TRPC5: variants seen among roughly 807,000 people sequenced by gnomAD.
TRPC5 encodes the protein short transient receptor potential channel 5.
TRPC5 carries 9 observed loss-of-function variants against 56.5 expected under a neutral mutation model. The observed-to-expected ratio is 0.16, with a 90% CI of 0.10 to 0.28. The LOEUF (loss-of-function observed/expected upper bound fraction) is 0.28. Among genes scored for constraint, TRPC5 ranks in the 10% least tolerant of loss-of-function variants. TRPC5 has a pLI of 1.00. For synonymous variants in TRPC5, 282 were observed against 278.5 expected (o/e 1.01, Z -0.13); for missense variants, 469 against 748.9 (o/e 0.63, Z 4.36).
At chrX:111,944,350 G>A (rs1295736136) in intron 2 of TRPC5, among the ~76,000 whole-genome samples, 1 of 106,634 alleles carries the variant, frequency 9.4e-6, no homozygotes, top group Admixed American at 1.0e-4. Flanking sequence ...ACGAACAAGT[G>A]GGTTTGAAAT....
intron 7 of TRPC5, among the ~76,000 whole-genome samples, chrX:111,820,229 A>G (rs944670360): frequency 1.8e-5 from 2 of 111,975 alleles, no homozygotes; most frequent in Non-Finnish European, 3.8e-5. Context: ...CCTATCAATC[A>G]GTGAAAAGGT....
chrX:111,870,523 T>C, intron 3 of TRPC5, among the ~76,000 whole-genome samples: 1 of 111,925 alleles, frequency 8.9e-6, no homozygotes, highest in Non-Finnish European at 1.9e-5. Context: ...GCAACCCTAC[T>C]ATAATCAAAC....
chrX:111,829,298 T>C (rs1478047625), intron 7 of TRPC5, among the ~76,000 whole-genome samples: 2 of 67,857 alleles, frequency 2.9e-5, no homozygotes, highest in African/African-American at 1.5e-4. Context: ...TGAGACTCTG[T>C]CTCAAAAAAA....
At chrX:111,841,746 C>T (rs993288191) in intron 6 of TRPC5, among the ~76,000 whole-genome samples, 3 of 111,255 alleles carry the variant, frequency 2.7e-5, no homozygotes, top group African/African-American at 6.6e-5. Flanking sequence ...AGTCTCCATG[C>T]GATGCCCAGG....
rs141171339 is a variant in TRPC5, at chrX:111,997,845, T to A, written c.-21-45404A>T. ...TGCCATGGTTTTCAGCTCCATCAGGTCATTTAAGGTCTTCTCTACACTGTT... is the reference window on the plus strand; with the variant it reads ...TGCCATGGTTTTCAGCTCCATCAGGACATTTAAGGTCTTCTCTACACTGTT... On this transcript the variant is annotated intron_variant, in intron 1 of 10. Coordinates refer to ENST00000262839, the MANE Select transcript of TRPC5 (RefSeq NM_012471.3). Among the ~76,000 whole-genome samples, 6 of 110,794 alleles carry A rather than the reference T, an allele frequency of 5.4e-5. No homozygotes were observed. The East Asian group carries it at 1.7e-3, about 31-fold the overall frequency.
chrX:111,970,003 G>A (rs1309248446), intron 1 of TRPC5, among the ~76,000 whole-genome samples: 6 of 111,034 alleles, frequency 5.4e-5, no homozygotes, highest in East Asian at 2.8e-4. Flanking sequence ...TGGAGAAGAC[G>A]AGAATTTTAG....
At chrX:112,073,469 C>A (rs994002683) in intron 1 of TRPC5, among the ~76,000 whole-genome samples, 5 of 110,130 alleles carry the variant, frequency 4.5e-5, no homozygotes, top group Non-Finnish European at 9.6e-5. Flanking sequence ...GGGGTTTCAC[C>A]ATGTTGGTCA....
At chrX:112,057,990 C>T (rs1033286159) in intron 1 of TRPC5, among the ~76,000 whole-genome samples, 17 of 111,318 alleles carry the variant, frequency 1.5e-4, no homozygotes, top group African/African-American at 5.2e-4. Context: ...GAGACCACCA[C>T]CTATGCCTGT....
chrX:111,845,494 G>A (rs1922900389), intron 6 of TRPC5, among the ~76,000 whole-genome samples: 1 of 111,452 alleles, frequency 9.0e-6, no homozygotes, highest in African/African-American at 3.3e-5. Context: ...TGGCAACAGG[G>A]GTGTTAATAA....
At chrX:111,840,896 G>C (rs1227777665) in intron 6 of TRPC5, among the ~76,000 whole-genome samples, 1 of 112,237 alleles carries the variant, frequency 8.9e-6, no homozygotes, top group Non-Finnish European at 1.9e-5. Context: ...TATCCTCATT[G>C]CCTGGTACAT....
rs1212945176 is a variant in TRPC5, at chrX:111,952,145, G to A, written c.276C>T (p.His92=). ...GCAATGCATCACCCACATACACGCT[G>A]TGGTTCAGCAGTAGCTCCATGATCT... ...NLEIMELLLN[H]SVYVGDALLY... Residue 92 remains histidine, a synonymous_variant, in exon 2 of 11, where the codon CAC becomes CAT. Coordinates refer to ENST00000262839, the MANE Select transcript of TRPC5 (RefSeq NM_012471.3). 9 of 1,210,922 alleles carry A rather than the reference G, an allele frequency of 7.4e-6. No individual in the cohort carries two copies. Among genetic ancestry groups the A allele is most frequent in the Non-Finnish European group, 8.9e-6 (8 of 895,480 alleles).
chrX:111,904,641 G>A lies in TRPC5; in HGVS notation c.900+7650C>T, dbSNP rs140375483. On this transcript the variant is annotated intron_variant, in intron 3 of 10. Coordinates refer to ENST00000262839, the MANE Select transcript of TRPC5 (RefSeq NM_012471.3). ...CACGCTGGGGCCTGTTGGGGGCTGGGGTGGGGAGAGAGAGCATCAAGAATG... is the reference window on the plus strand; with the variant it reads ...CACGCTGGGGCCTGTTGGGGGCTGGAGTGGGGAGAGAGAGCATCAAGAATG... 8.8e-3 allele frequency among the ~76,000 whole-genome samples: 976 copies of A among 110,735 alleles called. 11 individuals carry two copies. Among genetic ancestry groups the A allele is most frequent in the African/African-American group, 0.031 (930 of 30,400 alleles).
At position 112,008,599 on chromosome X, in the gene TRPC5, C is replaced by CA. The variant is rs771663324; in HGVS notation, c.-21-56159dup. Among the ~76,000 whole-genome samples, 307 of 73,986 alleles carry CA rather than the reference C, an allele frequency of 4.1e-3. 1 individual carries two copies. Among genetic ancestry groups the CA allele is most frequent in the Middle Eastern group, 0.017 (2 of 121 alleles). 64.2% of individuals were successfully genotyped at this position (73,986 alleles called of 115,157 possible). A position where few individuals can be genotyped will look rare whatever the true frequency, so the allele number is the denominator to read the frequency against. The stretch of plus-strand genomic sequence containing the variant: ...TGGGTGACAAAGCAAGACTCTGTCT[C>CA]AAAAAAAAAAAAAAAATATAGAGAG... On this transcript the variant is annotated intron_variant, in intron 1 of 10. Transcript: ENST00000262839.
chrX:111,996,764 G>T (rs1313264230), intron 1 of TRPC5, among the ~76,000 whole-genome samples: 1 of 111,683 alleles, frequency 9.0e-6, no homozygotes, highest in Non-Finnish European at 1.9e-5. Context: ...ATCTTTGTTG[G>T]TTTAAAGTCT....
Position 111,852,013 on chromosome X carries a change from C to T in TRPC5, c.1377+285G>A, listed in dbSNP as rs774731817. Among the ~76,000 whole-genome samples, 9 of 112,256 alleles carry T rather than the reference C, an allele frequency of 8.0e-5. No homozygotes were observed. The South Asian group carries it at 3.0e-3, about 37-fold the overall frequency. ...GCATCACTGGGCCATTGTGTTGGCA[C>T]GGATATCGTAGAGAGCATTTAAACA... On this transcript the variant is annotated intron_variant, in intron 5 of 10. Transcript: ENST00000262839.
At chrX:112,006,155 C>A (rs1194722642) in intron 1 of TRPC5, among the ~76,000 whole-genome samples, 1 of 111,110 alleles carries the variant, frequency 9.0e-6, no homozygotes, top group Admixed American at 9.6e-5. Flanking sequence ...CACAGCTCAA[C>A]AACATGCAAA....
intron 1 of TRPC5, among the ~76,000 whole-genome samples, chrX:111,954,436 T>A (rs1927173820): frequency 9.0e-6 from 1 of 111,464 alleles, no homozygotes; most frequent in Non-Finnish European, 1.9e-5. Context: ...GAATTAAACA[T>A]GAAAGTGTGG....
At chrX:111,913,139 G>A (rs56007060) in intron 2 of TRPC5, among the ~76,000 whole-genome samples, 18,821 of 110,607 alleles carry the variant, frequency 0.17, 1,934 homozygotes, top group African/African-American at 0.38. Flanking sequence ...AGCAGAGCCA[G>A]GATTCAAACC....
chrX:111,785,771 C>T (rs1460439994), intron 7 of TRPC5, among the ~76,000 whole-genome samples: 1 of 111,687 alleles, frequency 9.0e-6, no homozygotes, highest in Non-Finnish European at 1.9e-5. Context: ...GACACATGCA[C>T]AAGCTTCAAT....
Sources: allele counts gnomAD v4.1 joint callset (sites outside exome capture counted in the v4.1 genomes callset), GRCh38; gene constraint gnomAD v4.1.1; transcripts MANE v1.5; gene names NCBI Gene and HGNC (gene_info 2026-07-23, HGNC 2026-07-21).